FBXL17: variants seen among roughly 807,000 people sequenced by gnomAD.
FBXL17 encodes F-box/LRR-repeat protein 17.
Under a neutral mutation model 66.2 loss-of-function variants are expected in FBXL17, and 22 were observed. That is an observed-to-expected ratio of 0.33 (90% CI 0.24 to 0.47). The LOEUF is 0.47. Among genes scored for constraint, FBXL17 ranks in the 20% least tolerant of loss-of-function variants. FBXL17 has a pLI of 1.00. For synonymous variants in FBXL17, 474 were observed against 400.5 expected, an observed-to-expected ratio of 1.18 and a Z score of -2.19; for missense variants, 878 against 948.2, an observed-to-expected ratio of 0.93 and a Z score of 0.97.
intron 6 of FBXL17, among the ~76,000 whole-genome samples, chr5:108,126,684 T>TAC (rs3040021): frequency 0.012 from 1,576 of 134,544 alleles, 27 homozygotes; most frequent in East Asian, 0.02. Context: ...TATATATATA[T>TAC]ACACACATAC....
chr5:108,315,613 T>C (rs1759326187), intron 4 of FBXL17, among the ~76,000 whole-genome samples: 1 of 150,830 alleles, frequency 6.6e-6, no homozygotes, highest in African/African-American at 2.4e-5. Context: ...AAAATGAACC[T>C]TGTTAAAAAA....
intron 4 of FBXL17, among the ~76,000 whole-genome samples, chr5:108,255,535 T>C (rs1468817687): frequency 2.6e-5 from 4 of 152,162 alleles, no homozygotes; most frequent in Non-Finnish European, 5.9e-5. Flanking sequence ...TAGGCTTTCC[T>C]GGTTTATGGA....
intron 4 of FBXL17, among the ~76,000 whole-genome samples, chr5:108,263,204 T>A (rs1467231597): frequency 6.6e-6 from 1 of 152,116 alleles, no homozygotes; most frequent in Admixed American, 6.5e-5. Context: ...AGGGTCTGCA[T>A]CTCCTTTAAA....
intron 4 of FBXL17, among the ~76,000 whole-genome samples, chr5:108,308,688 C>T (rs774492201): frequency 6.6e-6 from 1 of 152,152 alleles, no homozygotes. Flanking sequence ...ACAGAATTAA[C>T]TTTGGCCTTC....
intron 6 of FBXL17, among the ~76,000 whole-genome samples, chr5:108,080,303 A>G (rs1018759469): frequency 6.6e-6 from 1 of 152,240 alleles, no homozygotes; most frequent in African/African-American, 2.4e-5. Context: ...TATCTGCAGT[A>G]AGAATAGAAT....
intron 7 of FBXL17, among the ~76,000 whole-genome samples, chr5:107,984,343 A>C (rs1752937573): frequency 6.6e-6 from 1 of 152,246 alleles, no homozygotes; most frequent in Admixed American, 6.5e-5. Flanking sequence ...CATTTTTACA[A>C]AATTCATACA....
intron 4 of FBXL17, among the ~76,000 whole-genome samples, chr5:108,250,367 C>A (rs1338919701): frequency 6.6e-6 from 1 of 152,072 alleles, no homozygotes; most frequent in African/African-American, 2.4e-5. Flanking sequence ...GACCAATTGG[C>A]TTTAGCCATT....
intron 6 of FBXL17, among the ~76,000 whole-genome samples, chr5:108,152,832 G>C (rs893593174): frequency 6.6e-6 from 1 of 152,160 alleles, no homozygotes; most frequent in Non-Finnish European, 1.5e-5. Context: ...AGTATTTCTT[G>C]TTTATGTAAA....
intron 5 of FBXL17, among the ~76,000 whole-genome samples, chr5:108,218,150 C>T (rs34261817): frequency 0.22 from 32,648 of 151,018 alleles, 3,786 homozygotes; most frequent in South Asian, 0.32. Flanking sequence ...GGACTATAGG[C>T]GCCTGCTACC....
intron 5 of FBXL17, among the ~76,000 whole-genome samples, chr5:108,204,673 T>C (rs879449528): frequency 2.6e-5 from 4 of 152,190 alleles, no homozygotes; most frequent in Non-Finnish European, 4.4e-5. Context: ...ATTCAACATA[T>C]AAAATAATAT....
At chr5:107,979,340 TATC>T (rs1156557554) in intron 7 of FBXL17, among the ~76,000 whole-genome samples, 7 of 152,216 alleles carry the variant, frequency 4.6e-5, no homozygotes, top group Admixed American at 2.6e-4. Context: ...AAGCTAATCA[TATC>T]ATTACTATTT....
chr5:108,097,322 A>G (rs1367181459), intron 6 of FBXL17, among the ~76,000 whole-genome samples: 4 of 152,218 alleles, frequency 2.6e-5, no homozygotes. Context: ...AACCAGTCTC[A>G]GGTAGTATCT....
chr5:108,016,544 G>T (rs1754393518), intron 7 of FBXL17, among the ~76,000 whole-genome samples: 1 of 152,102 alleles, frequency 6.6e-6, no homozygotes, highest in Non-Finnish European at 1.5e-5. Context: ...TTTTACAACT[G>T]CCCCCTGACA....
chr5:108,372,217 A>C (rs548019155), intron 1 of FBXL17, among the ~76,000 whole-genome samples: 3 of 152,232 alleles, frequency 2.0e-5, no homozygotes, highest in African/African-American at 7.2e-5. Flanking sequence ...AAGAAGAAAG[A>C]ATCAGCAAAC....
chr5:108,277,596 T>C (rs1580732629), intron 4 of FBXL17, among the ~76,000 whole-genome samples: 1 of 152,160 alleles, frequency 6.6e-6, no homozygotes, highest in African/African-American at 2.4e-5. Flanking sequence ...CAAACACTAA[T>C]TTATTTGGTC....
intron 6 of FBXL17, among the ~76,000 whole-genome samples, chr5:108,144,456 T>A (rs910888672): frequency 5.9e-5 from 9 of 152,170 alleles, no homozygotes; most frequent in Non-Finnish European, 1.3e-4. Flanking sequence ...TAAAAATATT[T>A]AAAAATCTGA....
rs114958365 is a variant in FBXL17 at position 108,288,253 on chromosome 5, C to T, written c.1506+60146G>A. 2.7e-3 allele frequency among the ~76,000 whole-genome samples: 414 copies of T among 151,128 alleles called. 5 individuals carry two copies. Among genetic ancestry groups the T allele is most frequent in the African/African-American group, 9.6e-3 (395 of 41,154 alleles). ...TATATAACAAACCGCACATGTACCC[C>T]GAGCCTAAAATAAAAGTTCAACAAC... On this transcript the variant is annotated intron_variant, in intron 4 of 8. Coordinates refer to ENST00000542267, the MANE Select transcript of FBXL17 (RefSeq NM_001163315.3).
At position 108,301,925 on chromosome 5, in the gene FBXL17, G is replaced by T. The variant is rs146687146; in HGVS notation, c.1506+46474C>A. The T allele has an allele frequency of 8.7e-4, 440 of 506,214 alleles. 1 individual carries two copies. The African/African-American group carries it at 8.8e-3, about 10-fold the overall frequency. The allele number at this position is 506,214 out of a possible 1,614,324, so 31.4% of individuals were successfully genotyped here. A position where few individuals can be genotyped will look rare whatever the true frequency, so the allele number is the denominator to read the frequency against. The stretch of plus-strand genomic sequence containing the variant: ...ATCCAGATATGTCTCATTCTTAATG[G>T]GAGATATATGTATTGATAAGCTATA... On this transcript the variant is annotated intron_variant, in intron 4 of 8. Transcript: ENST00000542267.
intron 6 of FBXL17, among the ~76,000 whole-genome samples, chr5:108,103,583 A>G (rs552927790): frequency 1.6e-5 from 2 of 125,200 alleles, no homozygotes; most frequent in Non-Finnish European, 3.1e-5. Flanking sequence ...TCAAACAAAA[A>G]AAAAGATTAA....
Sources: gnomAD v4.1 joint callset for allele counts (sites outside exome capture counted in the v4.1 genomes callset) on GRCh38, gnomAD v4.1.1 for gene constraint, MANE v1.5 for transcripts, NCBI Gene and HGNC (gene_info 2026-07-23, HGNC 2026-07-21) for gene names.